The following SNRPN variants were observed in gnomAD, a reference collection of about 807,000 sequenced individuals.
The protein encoded by SNRPN is small nuclear ribonucleoprotein-associated protein N.
SNRPN carries 7 observed loss-of-function variants against 25.2 expected under a neutral mutation model. The ratio of observed to expected loss-of-function variants is 0.28; its 90% confidence interval spans 0.16 to 0.52. The LOEUF (loss-of-function observed/expected upper bound fraction) is 0.52, where lower values mean the gene tolerates loss of function less well. SNRPN is among the 20% of genes least tolerant of loss of function. SNRPN has a pLI of 0.96. For synonymous variants in SNRPN, 124 were observed against 110.6 expected (o/e 1.12, Z -0.76); for missense variants, 196 against 322.5 (o/e 0.61, Z 3.00).
At chr15:24,938,071 A>ACAT (rs1377914735) in intron 3 of SNRPN, among the ~76,000 whole-genome samples, 2 of 150,520 alleles carry the variant, frequency 1.3e-5, no homozygotes, top group Non-Finnish European at 2.9e-5. Flanking sequence ...GCTGCTATGA[A>ACAT]CATGGGTGTG....
In SNRPN at chr15:24,857,941, G is replaced by C. The variant is rs555998034; in HGVS notation, c.-579+1225G>C. Among the ~76,000 whole-genome samples the C allele has an allele frequency of 8.5e-5, 13 of 152,252 alleles. No homozygotes were observed. In the South Asian group the frequency reaches 1.7e-3, roughly 19 times the overall value. ...GTCATGTTGGAGATGAAATCATAGGGAGTGGAAGCTGTCCTCTTGCGCTGA... is the reference window on the plus strand; with the variant it reads ...GTCATGTTGGAGATGAAATCATAGGCAGTGGAAGCTGTCCTCTTGCGCTGA... On this transcript the variant is annotated intron_variant, in intron 1 of 11. Transcript: ENST00000400097.
chr15:24,843,788 A>AACACAC (rs56693061), intron 2 of SNRPN, among the ~76,000 whole-genome samples: 8,299 of 139,782 alleles, frequency 0.059, 466 homozygotes, highest in African/African-American at 0.15. Flanking sequence ...CTCCATCACA[A>AACACAC]ACACACACAC....
At chr15:24,955,576 G>C (rs763224327) in intron 1 of SNRPN, among the ~76,000 whole-genome samples, 24 of 149,730 alleles carry the variant, frequency 1.6e-4, no homozygotes, top group Non-Finnish European at 3.0e-4. Flanking sequence ...TGACCACTGC[G>C]TGGTGGAGCA....
chr15:24,882,831 A>T lies in SNRPN; in HGVS notation c.-578-3685A>T, dbSNP rs1384007595. On this transcript the variant is annotated intron_variant, in intron 1 of 11. Transcript: ENST00000400097. ...AGAGCGAGACTCCATCTCAAAAAAAAAAATATATATATATATAGTGAGTTG... is the reference window on the plus strand; with the variant it reads ...AGAGCGAGACTCCATCTCAAAAAAATAAATATATATATATATAGTGAGTTG... 9.7e-4 allele frequency among the ~76,000 whole-genome samples: 106 copies of T among 109,644 alleles called. 11 individuals are homozygous for T. In the South Asian group the frequency reaches 0.01, roughly 11 times the overall value. The allele number at this position is 109,644 out of a possible 152,430, so 71.9% of individuals were successfully genotyped here.
chr15:24,853,208 C>T (rs1237053784), upstream of SNRPN, among the ~76,000 whole-genome samples: 2 of 152,120 alleles, frequency 1.3e-5, no homozygotes, highest in Non-Finnish European at 2.9e-5. Context: ...CATTATCATT[C>T]ACTGCTATCC....
At chr15:24,959,512 A>G (rs532449423) in intron 1 of SNRPN, among the ~76,000 whole-genome samples, 30 of 152,282 alleles carry the variant, frequency 2.0e-4, no homozygotes, top group Middle Eastern at 6.8e-3. Context: ...TTTGATGGCT[A>G]TTTCCTCAGT....
At chr15:24,893,255 A>C (rs1225554601) in intron 2 of SNRPN, among the ~76,000 whole-genome samples, 1 of 151,190 alleles carries the variant, frequency 6.6e-6, no homozygotes, top group Non-Finnish European at 1.5e-5. Context: ...GAAGAAAAGA[A>C]AGTTTTTCCT....
chr15:24,899,979 C>T (rs979248840), intron 2 of SNRPN, among the ~76,000 whole-genome samples: 2 of 152,040 alleles, frequency 1.3e-5, no homozygotes, highest in Middle Eastern at 3.2e-3. Context: ...GGGCACATTC[C>T]ACAGCTCCTT....
intron 2 of SNRPN, among the ~76,000 whole-genome samples, chr15:24,889,124 G>A (rs1404669880): frequency 6.6e-6 from 1 of 151,896 alleles, no homozygotes; most frequent in East Asian, 1.9e-4. Context: ...CACCATGTTG[G>A]CCAGGCTGGT....
At position 24,966,181 on chromosome 15, in the gene SNRPN, C is replaced by T. The variant is rs188476348; in HGVS notation, c.-294-1751C>T. Among the ~76,000 whole-genome samples the T allele has an allele frequency of 1.9e-4, 29 of 152,204 alleles. 1 individual carries two copies. The East Asian group carries it at 5.0e-3, about 26-fold the overall frequency. ...TTGGCAGGGCACCCACACTTCCGACCAACAGTCTATAGATTCTGAGGTCCT... is the reference window on the plus strand; with the variant it reads ...TTGGCAGGGCACCCACACTTCCGACTAACAGTCTATAGATTCTGAGGTCCT... On this transcript the variant is annotated intron_variant, in intron 2 of 9. Coordinates refer to ENST00000390687, the MANE Select transcript of SNRPN (RefSeq NM_003097.6).
intron 2 of SNRPN, chr15:24,849,106 T>C (rs922658079): frequency 9.9e-5 from 15 of 152,204 alleles, no homozygotes; most frequent in African/African-American, 3.4e-4. Context: ...CTAATTTTTG[T>C]ATTTTTAGTA....
At chr15:24,909,799 A>T (rs1250323989) in intron 2 of SNRPN, 1 of 1,276,022 alleles carries the variant, frequency 7.8e-7, no homozygotes, top group South Asian at 1.2e-5. Context: ...AGTAGGCCTT[A>T]TTCTTAACAA....
intron 3 of SNRPN, among the ~76,000 whole-genome samples, chr15:24,942,919 G>A (rs956429313): frequency 1.3e-5 from 2 of 152,096 alleles, no homozygotes; most frequent in African/African-American, 4.8e-5. Context: ...ATTGGGCAAT[G>A]ACAGAAAAAT....
chr15:24,888,787 G>A (rs984601792), intron 2 of SNRPN, among the ~76,000 whole-genome samples: 1 of 152,170 alleles, frequency 6.6e-6, no homozygotes, highest in Non-Finnish European at 1.5e-5. Context: ...CAAGAACAAC[G>A]TACTGCAATC....
At chr15:24,976,464 ATAT>A in intron 6 of SNRPN, 48 bp downstream of exon 6, 1 of 1,230,260 alleles carries the variant, frequency 8.1e-7, no homozygotes, top group Non-Finnish European at 1.2e-6. Context: ...CAGGGACATC[ATAT>A]TATGTGAGAT....
chr15:24,903,639 A>C (rs948066093), intron 2 of SNRPN, among the ~76,000 whole-genome samples: 2 of 152,196 alleles, frequency 1.3e-5, no homozygotes, highest in African/African-American at 2.4e-5. Flanking sequence ...CGGTATCAAG[A>C]AAATAAAAGG....
At chr15:24,924,010 T>A (rs1029142238) in intron 3 of SNRPN, among the ~76,000 whole-genome samples, 1 of 143,138 alleles carries the variant, frequency 7.0e-6, no homozygotes, top group Admixed American at 7.5e-5. Context: ...TTAGTAGAAA[T>A]GAGGTTTCAG....
At chr15:24,973,284 A>G (rs1456517875) in intron 3 of SNRPN, among the ~76,000 whole-genome samples, 1 of 152,242 alleles carries the variant, frequency 6.6e-6, no homozygotes, top group African/African-American at 2.4e-5. Context: ...ATATTGCCTA[A>G]GAGTATAGTA....
chr15:24,974,883 G>A, intron 4 of SNRPN: 2 of 702,236 alleles, frequency 2.8e-6, no homozygotes, highest in Non-Finnish European at 5.2e-6. Context: ...GTTTCATGAT[G>A]TGAGAAAATA....
Sources: gnomAD v4.1 joint callset for allele counts (sites outside exome capture counted in the v4.1 genomes callset) on GRCh38, gnomAD v4.1.1 for gene constraint, MANE v1.5 for transcripts, NCBI Gene and HGNC (gene_info 2026-07-23, HGNC 2026-07-21) for gene names.